COL8A1: variants seen among roughly 807,000 people sequenced by gnomAD.
COL8A1 encodes collagen alpha-1(VIII) chain.
COL8A1 carries 21 observed loss-of-function variants against 42.7 expected under a neutral mutation model. The observed-to-expected ratio is 0.49, with a 90% CI of 0.35 to 0.71. COL8A1 has a LOEUF of 0.71. Among genes scored for constraint, COL8A1 ranks in the 30% least tolerant of loss-of-function variants. The pLI is 0.01. For synonymous variants in COL8A1, 367 were observed against 369.1 expected, an observed-to-expected ratio of 0.99 and a Z score of 0.06; for missense variants, 788 against 962.4, an observed-to-expected ratio of 0.82 and a Z score of 2.40.
chr3:99,720,712 C>A (rs1940126700), intron 1 of COL8A1, among the ~76,000 whole-genome samples: 1 of 152,070 alleles, frequency 6.6e-6, no homozygotes, highest in Non-Finnish European at 1.5e-5. Flanking sequence ...CTCATCATAG[C>A]AAAATGAGCT....
chr3:99,760,445 A>G (rs1045293849), intron 2 of COL8A1, among the ~76,000 whole-genome samples: 16 of 152,338 alleles, frequency 1.1e-4, no homozygotes, highest in African/African-American at 2.9e-4. Context: ...CTTCAGCTAG[A>G]AAGAATTTTG....
At chr3:99,658,854 C>T (rs778390248) in intron 1 of COL8A1, among the ~76,000 whole-genome samples, 32 of 152,144 alleles carry the variant, frequency 2.1e-4, no homozygotes, top group Non-Finnish European at 3.7e-4. Context: ...AATCACATCA[C>T]TCAATCAGTC....
intron 1 of COL8A1, among the ~76,000 whole-genome samples, chr3:99,681,692 G>C (rs1210108583): frequency 6.6e-6 from 1 of 152,134 alleles, no homozygotes; most frequent in Non-Finnish European, 1.5e-5. Flanking sequence ...ATTATTTTCT[G>C]GTTGGGTACC....
In COL8A1 at chr3:99,726,132, T is replaced by A. The variant is rs149963074; in HGVS notation, c.-128-18765T>A. ...CTAACTGGTGTGAGATGGTATCTCA[T>A]TGTGGTTTTGATTTGCATTTCTCTG... On this transcript the variant is annotated intron_variant, in intron 1 of 3. Coordinates refer to ENST00000652472, the MANE Select transcript of COL8A1 (RefSeq NM_020351.4). Among the ~76,000 whole-genome samples the A allele has an allele frequency of 8.8e-3, 1,347 of 152,314 alleles. 22 individuals carry two copies. The highest frequency in any genetic ancestry group is 0.027 in the African/African-American group (1,109 of 41,572).
intron 1 of COL8A1, among the ~76,000 whole-genome samples, chr3:99,705,774 C>G (rs1274018452): frequency 1.3e-5 from 2 of 151,884 alleles, no homozygotes; most frequent in Non-Finnish European, 2.9e-5. Context: ...AAACTCCTGC[C>G]CCCCCGGTAT....
At chr3:99,650,080 C>G (rs1026526173) in intron 1 of COL8A1, among the ~76,000 whole-genome samples, 1 of 152,120 alleles carries the variant, frequency 6.6e-6, no homozygotes, top group Non-Finnish European at 1.5e-5. Context: ...TCTTCACCTC[C>G]CTCAAGTCTA....
chr3:99,787,488 T>A (rs1941918043), intron 2 of COL8A1, among the ~76,000 whole-genome samples: 1 of 152,222 alleles, frequency 6.6e-6, no homozygotes, highest in South Asian at 2.1e-4. Context: ...TCTTTGAAAA[T>A]CTTTGACATT....
At chr3:99,757,928 C>G (rs184455244) in intron 2 of COL8A1, among the ~76,000 whole-genome samples, 2 of 152,008 alleles carry the variant, frequency 1.3e-5, no homozygotes, top group African/African-American at 2.4e-5. Context: ...AATCTAAAAC[C>G]TTTTAAAATT....
intron 1 of COL8A1, among the ~76,000 whole-genome samples, chr3:99,640,935 C>T (rs1430449494): frequency 6.6e-6 from 1 of 152,100 alleles, no homozygotes; most frequent in Non-Finnish European, 1.5e-5. Context: ...CTTGGGAGGA[C>T]TTCTTAATGT....
In COL8A1 at chr3:99,795,423, C is replaced by G. The variant is rs1403762937; in HGVS notation, c.1522C>G (p.Pro508Ala). 4 of 1,524,208 alleles carry G rather than the reference C, an allele frequency of 2.6e-6. No homozygotes were observed. In the East Asian group the frequency reaches 9.8e-5, roughly 37 times the overall value. The allele number at this position is 1,524,208 out of a possible 1,614,324, so 94.4% of individuals were successfully genotyped here. A position where few individuals can be genotyped will look rare whatever the true frequency, so the allele number is the denominator to read the frequency against. The change falls in exon 4 of 4, where the codon CCC becomes GCC. Residue 508 changes from proline to alanine, a missense_variant. Pro to Ala is a conservative substitution (Grantham distance 27). Coordinates refer to ENST00000652472, the MANE Select transcript of COL8A1 (RefSeq NM_020351.4). Reference sequence around the variant, plus strand: ...CCCAGGGATTGGGGGCCCTAGTGGCCCCATTGGACCACCTGGGATTCCAGG... The same window carrying G: ...CCCAGGGATTGGGGGCCCTAGTGGCGCCATTGGACCACCTGGGATTCCAGG... ...GIPGIGGPSG[P>A]IGPPGIPGPK...
chr3:99,787,431 G>A (rs1263994958), intron 2 of COL8A1, among the ~76,000 whole-genome samples: 2 of 152,010 alleles, frequency 1.3e-5, no homozygotes, highest in African/African-American at 4.8e-5. Flanking sequence ...ATTCATGTTA[G>A]GTTATCATTA....
At chr3:99,721,683 T>C (rs971510445) in intron 1 of COL8A1, among the ~76,000 whole-genome samples, 1 of 152,170 alleles carries the variant, frequency 6.6e-6, no homozygotes, top group African/African-American at 2.4e-5. Flanking sequence ...TGGAGTATAA[T>C]TAAATTCAAA....
At chr3:99,683,295 C>A (rs1189782281) in intron 1 of COL8A1, among the ~76,000 whole-genome samples, 1 of 151,910 alleles carries the variant, frequency 6.6e-6, no homozygotes, top group Non-Finnish European at 1.5e-5. Flanking sequence ...CAGGGCTTGG[C>A]ACATAATAGC....
chr3:99,734,666 G>GT (rs779790528), intron 1 of COL8A1, among the ~76,000 whole-genome samples: 2 of 151,962 alleles, frequency 1.3e-5, no homozygotes, highest in Admixed American at 1.3e-4. Context: ...CTTTAAAGTA[G>GT]TTTTTTCCAA....
intron 1 of COL8A1, chr3:99,680,063 G>T (rs1275895929): frequency 1.3e-5 from 2 of 152,050 alleles, no homozygotes; most frequent in African/African-American, 2.4e-5. Flanking sequence ...TGTTACATAT[G>T]TATACATGTG....
chr3:99,779,640 C>T (rs935158502), intron 2 of COL8A1, among the ~76,000 whole-genome samples: 3 of 152,186 alleles, frequency 2.0e-5, no homozygotes, highest in African/African-American at 7.2e-5. Flanking sequence ...GTAGGAGACG[C>T]GCCGCACTGA....
chr3:99,646,873 C>T (rs12107500), intron 1 of COL8A1, among the ~76,000 whole-genome samples: 15,186 of 152,188 alleles, frequency 0.1, 821 homozygotes, highest in African/African-American at 0.13. Flanking sequence ...GAATTTCTCA[C>T]ATACAATACA....
chr3:99,652,730 G>T (rs1001939730), intron 1 of COL8A1, among the ~76,000 whole-genome samples: 4 of 152,142 alleles, frequency 2.6e-5, no homozygotes. Context: ...TGTCTTGATG[G>T]GCTAGTCAGC....
intron 1 of COL8A1, among the ~76,000 whole-genome samples, chr3:99,693,180 C>T (rs956684389): frequency 1.8e-4 from 28 of 152,190 alleles, no homozygotes; most frequent in Admixed American, 2.0e-4. Context: ...CAGAGCGAGA[C>T]TCTGTCTAAA....
Sources: gnomAD v4.1 joint callset for allele counts (sites outside exome capture counted in the v4.1 genomes callset) on GRCh38, gnomAD v4.1.1 for gene constraint, MANE v1.5 for transcripts, NCBI Gene and HGNC (gene_info 2026-07-23, HGNC 2026-07-21) for gene names.